Variants in HDAC11 observed in about 807,000 individuals in gnomAD.
HDAC11 encodes histone deacetylase 11.
A neutral mutation model predicts 41.1 loss-of-function variants in HDAC11; 23 were observed. That is an observed-to-expected ratio of 0.56 (90% confidence interval 0.40 to 0.79). The LOEUF (loss-of-function observed/expected upper bound fraction) is 0.79, where lower values mean the gene tolerates loss of function less well. Among genes scored for constraint, HDAC11 ranks in the 30% least tolerant of loss-of-function variants. HDAC11 has a pLI of 0.00. For missense variants in HDAC11, 402 were observed against 477.3 expected, an observed-to-expected ratio of 0.84 and a Z score of 1.47; for synonymous variants, 187 against 186.6, an observed-to-expected ratio of 1.00 and a Z score of -0.02.
At chr3:13,497,651 A>G (rs561445106) in intron 4 of HDAC11, among the ~76,000 whole-genome samples, 2 of 152,154 alleles carry the variant, frequency 1.3e-5, no homozygotes, top group African/African-American at 4.8e-5. Flanking sequence ...CTGCCTAGTT[A>G]TTTGGAGATA....
chr3:13,480,634 G>GC lies in HDAC11; in HGVS notation c.2+290dup. 2.5e-6 allele frequency: 1 copy of GC among 406,308 alleles called. No homozygotes were observed. The highest frequency in any genetic ancestry group is 6.3e-5 in the East Asian group (1 of 15,990). 25.2% of individuals were successfully genotyped at this position (406,308 alleles called of 1,614,324 possible). A position where few individuals can be genotyped will look rare whatever the true frequency, so the allele number is the denominator to read the frequency against. ...GCGGGTCTGACGTCTGCGCTGCCCA[G>GC]CCCCCTGGCTACGCGGACGCCCCCA... On this transcript the variant is annotated intron_variant, in intron 1 of 9. Coordinates refer to ENST00000295757, the MANE Select transcript of HDAC11 (RefSeq NM_024827.4). The surrounding 1 kb of genome is among the most constrained non-coding windows in gnomAD (Gnocchi z 4.6).
chr3:13,498,440 G>A, intron 4 of HDAC11, 73 bp from the exon 5 acceptor site: 1 of 1,570,560 alleles, frequency 6.4e-7, no homozygotes, highest in Non-Finnish European at 8.8e-7. Context: ...TATGGAATGA[G>A]TGCATGAATC....
chr3:13,480,399 G>C lies in HDAC11; in HGVS notation c.2+50G>C. 5.3e-6 allele frequency: 6 copies of C among 1,139,090 alleles called. No individual in the cohort carries two copies. Among genetic ancestry groups the C allele is most frequent in the Non-Finnish European group, 6.6e-6 (6 of 911,724 alleles). 70.6% of individuals were successfully genotyped at this position (1,139,090 alleles called of 1,614,324 possible). A position where few individuals can be genotyped will look rare whatever the true frequency, so the allele number is the denominator to read the frequency against. On this transcript the variant is annotated intron_variant, in intron 1 of 9. Coordinates refer to ENST00000295757, the MANE Select transcript of HDAC11 (RefSeq NM_024827.4). The surrounding 1 kb of genome is among the most constrained non-coding windows in gnomAD (Gnocchi z 4.6). ...GGGTGGGCTCCCAGGGGTCCCGGTGGGCGGGCGCGCTAGGGCGAGGGCGGG... is the reference window on the plus strand; with the variant it reads ...GGGTGGGCTCCCAGGGGTCCCGGTGCGCGGGCGCGCTAGGGCGAGGGCGGG...
intron 3 of HDAC11, among the ~76,000 whole-genome samples, chr3:13,490,702 G>A (rs1701811317): frequency 8.9e-6 from 1 of 112,534 alleles, no homozygotes; most frequent in Admixed American, 9.0e-5. Flanking sequence ...TGTTGATCTT[G>A]TATCCTACAA....
intron 2 of HDAC11, 64 bp downstream of exon 2, chr3:13,481,458 AT>A (rs1701315987): frequency 1.3e-6 from 2 of 1,573,288 alleles, no homozygotes; most frequent in Admixed American, 3.4e-5. Flanking sequence ...CTCCGTCCTC[AT>A]CCCCAACATA....
intron 3 of HDAC11, among the ~76,000 whole-genome samples, chr3:13,486,304 A>T (rs186489772): frequency 4.7e-5 from 7 of 150,356 alleles, no homozygotes; most frequent in Non-Finnish European, 1.0e-4. Context: ...AAGATGAAGA[A>T]GTAGTCAGTC....
rs1272855833 is a variant in HDAC11, at chr3:13,485,595, A to G, written c.252+2031A>G. ...GCTGCATGCCTGGCCTTGGTCCCCCAAAAGCCTGAAAGCAGCTTACTATGT... is the reference window on the plus strand; with the variant it reads ...GCTGCATGCCTGGCCTTGGTCCCCCGAAAGCCTGAAAGCAGCTTACTATGT... On this transcript the variant is annotated intron_variant, in intron 3 of 9. Coordinates refer to ENST00000295757, the MANE Select transcript of HDAC11 (RefSeq NM_024827.4). Among the ~76,000 whole-genome samples, 6 of 152,324 alleles carry G rather than the reference A, an allele frequency of 3.9e-5. No homozygotes were observed. The East Asian group carries it at 1.2e-3, about 29-fold the overall frequency.
chr3:13,488,674 T>G (rs1474608615), intron 3 of HDAC11, among the ~76,000 whole-genome samples: 6 of 152,260 alleles, frequency 3.9e-5, no homozygotes, highest in African/African-American at 1.4e-4. Context: ...TTCATTAGTT[T>G]ATAGGCCTTT....
intron 3 of HDAC11, among the ~76,000 whole-genome samples, chr3:13,487,174 G>A (rs745762303): frequency 1.2e-4 from 18 of 152,110 alleles, no homozygotes; most frequent in Admixed American, 6.5e-4. Context: ...ACCCAAGCCC[G>A]TTTCAGACAT....
Position 13,496,756 on chromosome 3 carries a change from C to A in HDAC11, c.273C>A (p.Thr91=), listed in dbSNP as rs776917157. ...NELKWSFAVA[T]ITEIPPVIFL... is the part of the protein sequence containing the mutation. ...CGCAGTGGTCCTTTGCTGTTGCTAC[C>A]ATCACAGAAATCCCCCCCGTTATCT... Residue 91 remains threonine, a synonymous_variant, in exon 4 of 10, where the codon ACC becomes ACA. Transcript: ENST00000295757. 9 of 1,606,638 alleles carry A rather than the reference C, an allele frequency of 5.6e-6. No homozygotes were observed. The highest frequency in any genetic ancestry group is 7.6e-6 in the Non-Finnish European group (9 of 1,176,542).
chr3:13,500,686 G>A (rs1297153816), intron 5 of HDAC11, 27 bp from the exon 6 acceptor site: 2 of 1,561,720 alleles, frequency 1.3e-6, no homozygotes, highest in African/African-American at 2.7e-5. Context: ...CTGGCTCTGA[G>A]CAGCACCGCT....
intron 5 of HDAC11, among the ~76,000 whole-genome samples, chr3:13,499,574 A>G (rs1702259247): frequency 6.6e-6 from 1 of 152,212 alleles, no homozygotes; most frequent in Non-Finnish European, 1.5e-5. Context: ...GTAGAGCCCT[A>G]AAGCAGGGTC....
chr3:13,505,723 C>G lies in HDAC11; in HGVS notation c.*1040C>G, dbSNP rs971357370. 4 of 152,312 alleles carry G rather than the reference C, an allele frequency of 2.6e-5. No individual in the cohort carries two copies. Among genetic ancestry groups the G allele is most frequent in the Admixed American group, 1.3e-4 (2 of 15,290 alleles). The allele number at this position is 152,312 out of a possible 1,614,324, so 9.4% of individuals were successfully genotyped here. A position where few individuals can be genotyped will look rare whatever the true frequency, so the allele number is the denominator to read the frequency against. On this transcript the variant is annotated 3_prime_UTR_variant, in exon 10 of 10. Transcript: ENST00000295757. ...GAACATAGGTAGCCGGGGCAGGGCC[C>G]TGGGTGGGACTGTGGCCTCCACTGG... is the stretch of plus-strand genomic sequence containing the variant.
In HDAC11 at chr3:13,500,735, C is replaced by T. The variant is rs770859645; in HGVS notation, c.435C>T (p.Ser145=). 3.8e-6 allele frequency: 6 copies of T among 1,597,330 alleles called. No homozygotes were observed. Among genetic ancestry groups the T allele is most frequent in the Non-Finnish European group, 5.1e-6 (6 of 1,171,504 alleles). The part of the protein sequence containing the change: ...INVGGGFHHC[S]SDRGGGFCAY... ...CAGGGGGTGGCTTCCACCACTGCTC[C>T]AGCGACCGTGGCGGGGGCTTCTGTG... The change falls in exon 6 of 10, where the codon TCC becomes TCT. Residue 145 remains serine, a synonymous_variant. Coordinates refer to ENST00000295757, the MANE Select transcript of HDAC11 (RefSeq NM_024827.4).
At chr3:13,496,600 G>A (rs925353116) in intron 3 of HDAC11, 136 bp from the exon 4 acceptor site, 4 of 613,956 alleles carry the variant, frequency 6.5e-6, no homozygotes, top group Middle Eastern at 2.8e-4. Flanking sequence ...TTCTACCAAA[G>A]GAAGTGTGCT....
intron 3 of HDAC11, among the ~76,000 whole-genome samples, chr3:13,485,307 C>A (rs1394298938): frequency 6.6e-6 from 1 of 152,224 alleles, no homozygotes; most frequent in East Asian, 1.9e-4. Context: ...GGGTGTGAGG[C>A]CTTGGCAGGA....
rs182207520 is a variant in HDAC11, at chr3:13,490,024, C to T, written c.252+6460C>T. On this transcript the variant is annotated intron_variant, in intron 3 of 9. Coordinates refer to ENST00000295757, the MANE Select transcript of HDAC11 (RefSeq NM_024827.4). The stretch of plus-strand genomic sequence containing the variant: ...TTTTTTTTTTTTTGAGACGCAGTCT[C>T]GCTTTGTCGCCTATGCTGGAGTGCA... Among the ~76,000 whole-genome samples, 15 of 150,678 alleles carry T rather than the reference C, an allele frequency of 1.0e-4. No homozygotes were observed. The South Asian group carries it at 1.0e-3, about 10-fold the overall frequency.
chr3:13,492,147 G>A (rs1051980331), intron 3 of HDAC11, among the ~76,000 whole-genome samples: 1 of 152,254 alleles, frequency 6.6e-6, no homozygotes, highest in Non-Finnish European at 1.5e-5. Context: ...TGTGGATTTG[G>A]AAGTGTGGCC....
At chr3:13,498,455 A>G in intron 4 of HDAC11, 58 bp from the exon 5 acceptor site, 1 of 1,603,272 alleles carries the variant, frequency 6.2e-7, no homozygotes, top group Non-Finnish European at 8.5e-7. Flanking sequence ...TGAATCAGTG[A>G]ATGAATGACT....
Sources: gnomAD v4.1 joint callset for allele counts (sites outside exome capture counted in the v4.1 genomes callset) on GRCh38, gnomAD v4.1.1 for gene constraint, Gnocchi (gnomAD v3.1) non-coding constraint, MANE v1.5 for transcripts, NCBI Gene and HGNC (gene_info 2026-07-23, HGNC 2026-07-21) for gene names.